Variants in MMP16 observed in about 807,000 individuals in gnomAD.
The protein encoded by MMP16 is matrix metallopeptidase 16.
In MMP16, 12 loss-of-function variants were observed where a neutral mutation model predicts 67.8. That is an observed-to-expected ratio of 0.18 (90% CI 0.11 to 0.29). The LOEUF (loss-of-function observed/expected upper bound fraction) is 0.29, where lower values mean the gene tolerates loss of function less well. Among genes scored for constraint, MMP16 ranks in the 10% least tolerant of loss-of-function variants. The pLI, the probability that MMP16 is intolerant of heterozygous loss-of-function variation, is 1.00. For missense variants in MMP16, 475 were observed against 765.7 expected (o/e 0.62, Z 4.48); for synonymous variants, 249 against 255.9 (o/e 0.97, Z 0.26).
intron 4 of MMP16, among the ~76,000 whole-genome samples, chr8:88,156,388 T>A (rs1232568700): frequency 1.3e-5 from 2 of 152,030 alleles, no homozygotes; most frequent in Non-Finnish European, 2.9e-5. Context: ...AAAGCTACAA[T>A]CTCCACTGTG....
chr8:88,299,668 G>T (rs1415339163), intron 1 of MMP16, among the ~76,000 whole-genome samples: 3 of 152,068 alleles, frequency 2.0e-5, no homozygotes, highest in Non-Finnish European at 4.4e-5. Context: ...ATGTTATTAG[G>T]CTGTCTATAA....
chr8:88,179,660 T>A (rs1291718285), intron 3 of MMP16, among the ~76,000 whole-genome samples: 1 of 152,140 alleles, frequency 6.6e-6, no homozygotes, highest in Non-Finnish European at 1.5e-5. Context: ...ATAAAATGAA[T>A]AATGAGAATA....
At chr8:88,307,021 G>A (rs1811221094) in intron 1 of MMP16, among the ~76,000 whole-genome samples, 1 of 152,302 alleles carries the variant, frequency 6.6e-6, no homozygotes, top group Middle Eastern at 3.4e-3. Context: ...CCTGTATCTA[G>A]AAAACCCCAT....
chr8:88,262,846 C>CAAAAAAAAAAAAAA (rs71277991), intron 1 of MMP16, among the ~76,000 whole-genome samples: 6 of 53,468 alleles, frequency 1.1e-4, no homozygotes, highest in Non-Finnish European at 2.1e-4. Context: ...ACTAAAAATA[C>CAAAAAAAAAAAAAA]AAAAAAAAAA....
chr8:88,142,252 G>T (rs1270699603), intron 4 of MMP16, among the ~76,000 whole-genome samples: 1 of 151,958 alleles, frequency 6.6e-6, no homozygotes, highest in Non-Finnish European at 1.5e-5. Context: ...TAAAATTAGA[G>T]ATAACCTGAA....
chr8:88,200,416 A>G (rs1196749479), intron 1 of MMP16, among the ~76,000 whole-genome samples: 1 of 152,016 alleles, frequency 6.6e-6, no homozygotes, highest in Non-Finnish European at 1.5e-5. Context: ...TCTCTAGAAC[A>G]ACCAACCTCA....
intron 4 of MMP16, among the ~76,000 whole-genome samples, chr8:88,134,219 T>C (rs1055678317): frequency 2.0e-5 from 3 of 151,804 alleles, no homozygotes; most frequent in African/African-American, 7.2e-5. Flanking sequence ...CATAAGCAAT[T>C]GCTTTCAAAA....
intron 6 of MMP16, among the ~76,000 whole-genome samples, chr8:88,095,423 G>C (rs1809009680): frequency 6.6e-6 from 1 of 151,636 alleles, no homozygotes; most frequent in South Asian, 2.1e-4. Context: ...TAACTCTCAT[G>C]TCTTACTTCC....
chr8:88,288,898 AT>A (rs1482572023), intron 1 of MMP16, among the ~76,000 whole-genome samples: 3 of 152,230 alleles, frequency 2.0e-5, no homozygotes, highest in African/African-American at 7.2e-5. Flanking sequence ...GTCTTTGGAC[AT>A]TTTCTGAGGG....
In MMP16 at chr8:88,204,955, A is replaced by AT. The variant is rs1374663651; in HGVS notation, c.133-7650dup. Among the ~76,000 whole-genome samples the AT allele has an allele frequency of 4.6e-5, 7 of 152,228 alleles. No individual in the cohort carries two copies. The East Asian group carries it at 1.4e-3, about 29-fold the overall frequency. On this transcript the variant is annotated intron_variant, in intron 1 of 9. Transcript: ENST00000286614. ...TAGAATGCCTTCCAAGCCATGTATG[A>AT]TTTTGTCTCTCAAACTATTCCCTTG... is the stretch of plus-strand genomic sequence containing the variant.
intron 4 of MMP16, among the ~76,000 whole-genome samples, chr8:88,151,656 T>G (rs1263634483): frequency 1.3e-5 from 2 of 148,536 alleles, no homozygotes; most frequent in African/African-American, 5.0e-5. Flanking sequence ...AGATGTTCTT[T>G]GAAACCAACG....
At chr8:88,063,640 G>A (rs1015675715) in intron 7 of MMP16, among the ~76,000 whole-genome samples, 6 of 151,844 alleles carry the variant, frequency 4.0e-5, no homozygotes, top group Non-Finnish European at 7.4e-5. Context: ...CCAGCCTAAC[G>A]CATTCATTTA....
intron 8 of MMP16, among the ~76,000 whole-genome samples, chr8:88,048,735 C>T (rs1808229988): frequency 6.6e-6 from 1 of 152,174 alleles, no homozygotes; most frequent in Non-Finnish European, 1.5e-5. Flanking sequence ...CTTTTCCCCC[C>T]ACTAAACATC....
chr8:88,319,966 C>CA (rs1336473534), intron 1 of MMP16, among the ~76,000 whole-genome samples: 1 of 152,084 alleles, frequency 6.6e-6, no homozygotes, highest in African/African-American at 2.4e-5. Flanking sequence ...AAAAAACTTA[C>CA]AAAAAACTTA....
chr8:88,178,490 G>T (rs1808928683), intron 3 of MMP16, among the ~76,000 whole-genome samples: 1 of 152,070 alleles, frequency 6.6e-6, no homozygotes, highest in South Asian at 2.1e-4. Flanking sequence ...ATTGAAAAAA[G>T]AATTGAAATG....
chr8:88,228,767 G>A (rs1809810570), intron 1 of MMP16, among the ~76,000 whole-genome samples: 1 of 152,010 alleles, frequency 6.6e-6, no homozygotes, highest in Admixed American at 6.6e-5. Context: ...GTATCAGAAG[G>A]CAACTATTAA....
intron 1 of MMP16, among the ~76,000 whole-genome samples, chr8:88,316,735 C>T (rs966148318): frequency 6.6e-5 from 10 of 152,128 alleles, no homozygotes; most frequent in Non-Finnish European, 1.3e-4. Context: ...AGTCTCAAGT[C>T]TCATTATATA....
intron 1 of MMP16, among the ~76,000 whole-genome samples, chr8:88,304,304 A>C (rs1267249971): frequency 6.6e-6 from 1 of 152,206 alleles, no homozygotes; most frequent in Non-Finnish European, 1.5e-5. Context: ...ATGTAAAGAG[A>C]CTGAACCTTC....
In MMP16 at chr8:88,041,020, G is replaced by T. The variant is rs1303201131; in HGVS notation, c.*441C>A. On this transcript the variant is annotated 3_prime_UTR_variant, in exon 10 of 10. Transcript: ENST00000286614. This position sits in a 1 kb window ranked among gnomAD's most constrained non-coding sequence, Gnocchi z 6.0. ...TTCCCTTTGTTTTAAAGCAAAAAAA[G>T]AAAAAAAGAAAAAAAGAAAAAAAGA... The T allele has an allele frequency of 1.1e-5, 1 of 93,466 alleles. No individual in the cohort carries two copies. Among genetic ancestry groups the T allele is most frequent in the East Asian group, 2.0e-4 (1 of 5,068 alleles). The allele number at this position is 93,466 out of a possible 1,614,324, so 5.8% of individuals were successfully genotyped here.
Sources: gnomAD v4.1 joint callset for allele counts (sites outside exome capture counted in the v4.1 genomes callset) on GRCh38, gnomAD v4.1.1 for gene constraint, Gnocchi (gnomAD v3.1) non-coding constraint, MANE v1.5 for transcripts, NCBI Gene and HGNC (gene_info 2026-07-23, HGNC 2026-07-21) for gene names.